ANO2: variants seen among roughly 807,000 people sequenced by gnomAD.
The protein encoded by ANO2 is anoctamin-2.
A neutral mutation model predicts 124.2 loss-of-function variants in ANO2; 101 were observed. The observed-to-expected ratio is 0.81, with a 90% CI of 0.69 to 0.96. The LOEUF is 0.96. Ranked by LOEUF, ANO2 falls within the 40% of genes least tolerant of loss-of-function variation. The pLI, the probability that ANO2 is intolerant of heterozygous loss-of-function variation, is 0.00. For synonymous variants in ANO2, 486 were observed against 482.5 expected, an observed-to-expected ratio of 1.01 and a Z score of -0.09; for missense variants, 1,293 against 1,274.5, an observed-to-expected ratio of 1.01 and a Z score of -0.22.
rs192845149 is a variant in ANO2, at chr12:5,592,100, C to T, written c.2233+7384G>A. On this transcript the variant is annotated intron_variant, in intron 20 of 24. Coordinates refer to ENST00000682330, the MANE Select transcript of ANO2 (RefSeq NM_001364791.2). ...TAAAATTATTGCACATTAAAAATTA[C>T]ACAAATATGTCCATAGTGAAGAAGG... Among the ~76,000 whole-genome samples, 7 of 152,282 alleles carry T rather than the reference C, an allele frequency of 4.6e-5. No homozygotes were observed. The East Asian group carries it at 1.3e-3, about 29-fold the overall frequency.
chr12:5,896,808 G>A (rs949209754), intron 3 of ANO2, among the ~76,000 whole-genome samples: 2 of 152,134 alleles, frequency 1.3e-5, no homozygotes, highest in African/African-American at 4.8e-5. Flanking sequence ...ACAGAGAATA[G>A]GTAGAAAGGT....
intron 13 of ANO2, 139 bp downstream of exon 13, chr12:5,739,178 A>C: frequency 3.6e-6 from 3 of 839,702 alleles, no homozygotes; most frequent in Non-Finnish European, 5.9e-6. Context: ...CATGGAGCCA[A>C]GCTACACAGG....
intron 16 of ANO2, among the ~76,000 whole-genome samples, chr12:5,632,729 T>G (rs1945785809): frequency 1.3e-5 from 2 of 152,156 alleles, no homozygotes; most frequent in Non-Finnish European, 2.9e-5. Flanking sequence ...ATTAATGAGT[T>G]TTCTATTGTT....
chr12:5,743,653 T>C (rs767333912), intron 12 of ANO2, among the ~76,000 whole-genome samples: 1 of 152,150 alleles, frequency 6.6e-6, no homozygotes, highest in Non-Finnish European at 1.5e-5. Context: ...GCATTAAATA[T>C]TAAATTAAAC....
intron 14 of ANO2, among the ~76,000 whole-genome samples, chr12:5,687,460 T>C (rs1948753434): frequency 6.6e-6 from 1 of 152,244 alleles, no homozygotes; most frequent in African/African-American, 2.4e-5. Flanking sequence ...CAACGAAGCA[T>C]GTGCAATTTC....
At chr12:5,800,276 G>A (rs1434451070) in intron 9 of ANO2, among the ~76,000 whole-genome samples, 1 of 152,236 alleles carries the variant, frequency 6.6e-6, no homozygotes, top group Non-Finnish European at 1.5e-5. Context: ...GAACGTGGGA[G>A]ACAAAGTCAG....
At chr12:5,626,244 T>C (rs1179766141) in intron 16 of ANO2, among the ~76,000 whole-genome samples, 1 of 152,092 alleles carries the variant, frequency 6.6e-6, no homozygotes, top group Non-Finnish European at 1.5e-5. Context: ...TGGCAAGCTG[T>C]GTGCTCCCAG....
intron 4 of ANO2, among the ~76,000 whole-genome samples, chr12:5,837,232 C>T (rs1175103994): frequency 6.9e-6 from 1 of 145,606 alleles, no homozygotes; most frequent in African/African-American, 2.5e-5. Context: ...GCAGCAACCA[C>T]GGGGCCAGGA....
chr12:5,744,718 G>C (rs1158232099), intron 11 of ANO2, among the ~76,000 whole-genome samples: 1 of 152,174 alleles, frequency 6.6e-6, no homozygotes, highest in Non-Finnish European at 1.5e-5. Flanking sequence ...CTTCAGTCTA[G>C]GCTGTTTTTG....
chr12:5,862,638 A>G lies in ANO2; in HGVS notation c.535-8497T>C, dbSNP rs1268350397. On this transcript the variant is annotated intron_variant, in intron 3 of 24. Coordinates refer to ENST00000682330, the MANE Select transcript of ANO2 (RefSeq NM_001364791.2). The surrounding 1 kb of genome is among the most constrained non-coding windows in gnomAD (Gnocchi z 4.0). ...CTGACTCTGTCCCTGCCCAAATCTC[A>G]TCTTGAATTGTAGCTCCCATAATTC... is the stretch of plus-strand genomic sequence containing the variant. Among the ~76,000 whole-genome samples the G allele has an allele frequency of 6.6e-6, 1 of 151,584 alleles. No individual in the cohort carries two copies. The highest frequency in any genetic ancestry group is 1.5e-5 in the Non-Finnish European group (1 of 67,824).
chr12:5,712,785 G>T (rs1949863183), intron 14 of ANO2, among the ~76,000 whole-genome samples: 1 of 152,150 alleles, frequency 6.6e-6, no homozygotes, highest in Admixed American at 6.5e-5. Flanking sequence ...AGGGAAAGCA[G>T]GTTCCAAGCA....
intron 16 of ANO2, among the ~76,000 whole-genome samples, chr12:5,629,678 A>G (rs776208888): frequency 7.2e-5 from 11 of 152,170 alleles, no homozygotes; most frequent in Non-Finnish European, 1.6e-4. Context: ...ACTGGGGACT[A>G]AGAGACTTTG....
At chr12:5,613,044 C>A in intron 17 of ANO2, 86 bp from the exon 18 acceptor site, 1 of 1,312,146 alleles carries the variant, frequency 7.6e-7, no homozygotes, top group Non-Finnish European at 1.1e-6. Context: ...GGAATACCAC[C>A]ACCACTGTCC....
intron 14 of ANO2, among the ~76,000 whole-genome samples, chr12:5,677,422 A>G (rs1179370112): frequency 1.3e-5 from 2 of 152,218 alleles, no homozygotes; most frequent in East Asian, 3.8e-4. Context: ...AAGGAAAAAG[A>G]AAGTTCACAG....
intron 3 of ANO2, among the ~76,000 whole-genome samples, chr12:5,872,548 C>T (rs117374637): frequency 8.5e-5 from 13 of 152,292 alleles, no homozygotes; most frequent in Admixed American, 2.6e-4. Context: ...TGAAGAGCCT[C>T]AAATCATGCT....
chr12:5,632,024 A>G (rs1028426358), intron 16 of ANO2, among the ~76,000 whole-genome samples: 1 of 152,124 alleles, frequency 6.6e-6, no homozygotes, highest in Non-Finnish European at 1.5e-5. Flanking sequence ...GACAGAGGGG[A>G]TGACCAGAGG....
intron 13 of ANO2, 189 bp downstream of exon 13, chr12:5,739,128 G>A (rs577505604): frequency 1.4e-6 from 1 of 697,040 alleles, no homozygotes; most frequent in African/African-American, 1.7e-5. Flanking sequence ...GGGGGTACTT[G>A]AACTCTTGGC....
rs542452468 is a variant in ANO2 at position 5,769,724 on chromosome 12, G to A, written c.1056-18754C>T. On this transcript the variant is annotated intron_variant, in intron 10 of 24. Transcript: ENST00000682330. This position sits in a 1 kb window ranked among gnomAD's most constrained non-coding sequence, Gnocchi z 4.0. Reference sequence around the variant, plus strand: ...TAAAATAAAATCGCTCCATTTCTGCGTGCACCCTTCATTCTAGGTACTCTG... The same window carrying A: ...TAAAATAAAATCGCTCCATTTCTGCATGCACCCTTCATTCTAGGTACTCTG... Among the ~76,000 whole-genome samples, 13 of 152,204 alleles carry A rather than the reference G, an allele frequency of 8.5e-5. No individual in the cohort carries two copies. The highest frequency in any genetic ancestry group is 2.1e-4 in the South Asian group (1 of 4,812).
Position 5,854,160 on chromosome 12 carries a change from G to T in ANO2, c.535-19C>A, listed in dbSNP as rs1452327060. 6.2e-7 allele frequency: 1 copy of T among 1,604,278 alleles called. No individual in the cohort carries two copies. Among genetic ancestry groups the T allele is most frequent in the Non-Finnish European group, 8.5e-7 (1 of 1,172,220 alleles). Reference sequence around the variant, plus strand: ...TTTTATTCTGCAAGGTACAAAGAAAGAACAAATGGAAACACTTGTAAGGAC... The same window carrying T: ...TTTTATTCTGCAAGGTACAAAGAAATAACAAATGGAAACACTTGTAAGGAC... On this transcript the variant is annotated intron_variant, in intron 3 of 24. Transcript: ENST00000682330.
Sources: allele counts gnomAD v4.1 joint callset (sites outside exome capture counted in the v4.1 genomes callset), GRCh38; gene constraint gnomAD v4.1.1; non-coding constraint Gnocchi (gnomAD v3.1); transcripts MANE v1.5; gene names NCBI Gene and HGNC (gene_info 2026-07-23, HGNC 2026-07-21).